CTNNA3: variants seen among roughly 807,000 people sequenced by gnomAD.
The protein encoded by CTNNA3 is catenin alpha-3.
A neutral mutation model predicts 95.7 loss-of-function variants in CTNNA3; 76 were observed. That is an observed-to-expected ratio of 0.79 (90% confidence interval 0.66 to 0.96). The LOEUF is 0.96. Among genes scored for constraint, CTNNA3 ranks in the 40% least tolerant of loss-of-function variants. CTNNA3 has a pLI of 0.00. For missense variants in CTNNA3, 1,191 were observed against 1,089.8 expected (o/e 1.09, Z -1.31); for synonymous variants, 431 against 374.4 (o/e 1.15, Z -1.74).
intron 15 of CTNNA3, among the ~76,000 whole-genome samples, chr10:65,999,014 G>T (rs1286064236): frequency 6.6e-6 from 1 of 151,972 alleles, no homozygotes; most frequent in Non-Finnish European, 1.5e-5. Context: ...TAACAACAAT[G>T]AAAACCTGGT....
At chr10:66,230,985 C>T (rs183222974) in intron 13 of CTNNA3, among the ~76,000 whole-genome samples, 4 of 152,134 alleles carry the variant, frequency 2.6e-5, no homozygotes, top group Admixed American at 2.0e-4. Context: ...CTATTGGGCC[C>T]CAGGGAAGAA....
At chr10:67,557,799 T>C (rs1195866249) in intron 3 of CTNNA3, among the ~76,000 whole-genome samples, 1 of 152,212 alleles carries the variant, frequency 6.6e-6, no homozygotes, top group Non-Finnish European at 1.5e-5. Context: ...CAACTTCTAA[T>C]GCCACCATAG....
At chr10:66,239,436 T>A (rs562024292) in intron 13 of CTNNA3, among the ~76,000 whole-genome samples, 1 of 152,094 alleles carries the variant, frequency 6.6e-6, no homozygotes, top group Non-Finnish European at 1.5e-5. Context: ...GACTGTTCAC[T>A]TTTGCAATGG....
At chr10:66,124,127 G>T (rs933896996) in intron 13 of CTNNA3, among the ~76,000 whole-genome samples, 3 of 151,982 alleles carry the variant, frequency 2.0e-5, no homozygotes, top group Admixed American at 6.5e-5. Flanking sequence ...TTTATGCTCT[G>T]CTTCTCTTAT....
At chr10:67,489,897 A>T (rs946609631) in intron 5 of CTNNA3, among the ~76,000 whole-genome samples, 2 of 152,060 alleles carry the variant, frequency 1.3e-5, no homozygotes, top group East Asian at 3.9e-4. Flanking sequence ...GTAACTAGAT[A>T]AAGTTGCTTT....
At chr10:66,306,740 T>C (rs893527471) in intron 12 of CTNNA3, among the ~76,000 whole-genome samples, 2 of 152,134 alleles carry the variant, frequency 1.3e-5, no homozygotes, top group Admixed American at 1.3e-4. Flanking sequence ...GATAGCAATA[T>C]TTGGTTCAAA....
chr10:66,014,987 C>G (rs957335269), intron 15 of CTNNA3, among the ~76,000 whole-genome samples: 2 of 151,928 alleles, frequency 1.3e-5, no homozygotes, highest in African/African-American at 4.8e-5. Flanking sequence ...CCTGTAGTCC[C>G]AGCTACTCAG....
intron 5 of CTNNA3, among the ~76,000 whole-genome samples, chr10:67,408,690 A>T (rs937052682): frequency 6.6e-6 from 1 of 152,078 alleles, no homozygotes; most frequent in African/African-American, 2.4e-5. Context: ...AGATTTCATG[A>T]TGAAGATGCC....
chr10:66,803,356 A>G (rs1841504640), intron 7 of CTNNA3, among the ~76,000 whole-genome samples: 1 of 151,886 alleles, frequency 6.6e-6, no homozygotes, highest in Non-Finnish European at 1.5e-5. Flanking sequence ...TTCTCCACCT[A>G]CACAACTCTC....
intron 10 of CTNNA3, among the ~76,000 whole-genome samples, chr10:66,582,346 G>GT: frequency 6.6e-6 from 1 of 151,754 alleles, no homozygotes; most frequent in African/African-American, 2.4e-5. Context: ...TTCTTGTAGA[G>GT]ATACTACACC....
At chr10:66,543,054 T>A (rs1402305341) in intron 10 of CTNNA3, among the ~76,000 whole-genome samples, 1 of 152,118 alleles carries the variant, frequency 6.6e-6, no homozygotes, top group Non-Finnish European at 1.5e-5. Flanking sequence ...TATAGTAAAT[T>A]ACCAAAATGT....
intron 11 of CTNNA3, among the ~76,000 whole-genome samples, chr10:66,402,716 C>T (rs1031850721): frequency 6.6e-6 from 1 of 152,044 alleles, no homozygotes; most frequent in Non-Finnish European, 1.5e-5. Context: ...AGAAGATAAT[C>T]GTAGCCTAAA....
intron 13 of CTNNA3, among the ~76,000 whole-genome samples, chr10:66,177,095 C>T (rs551892562): frequency 2.0e-5 from 3 of 152,200 alleles, no homozygotes; most frequent in Admixed American, 2.0e-4. Flanking sequence ...CATGCACCCA[C>T]GCACAACCTA....
chr10:66,592,657 A>T (rs946413099), intron 10 of CTNNA3, among the ~76,000 whole-genome samples: 2 of 152,184 alleles, frequency 1.3e-5, no homozygotes, highest in Admixed American at 1.3e-4. Context: ...AATTTAAAAG[A>T]TGAAGGGATG....
intron 7 of CTNNA3, among the ~76,000 whole-genome samples, chr10:66,978,067 T>TAC (rs3056586): frequency 1.8e-5 from 2 of 114,012 alleles, no homozygotes; most frequent in African/African-American, 5.7e-5. Context: ...TATATATATA[T>TAC]ACACACACAC....
At chr10:67,461,824 A>G (rs986970834) in intron 5 of CTNNA3, among the ~76,000 whole-genome samples, 1 of 152,210 alleles carries the variant, frequency 6.6e-6, no homozygotes, top group Non-Finnish European at 1.5e-5. Flanking sequence ...CCAGCAACAC[A>G]AACAACATGA....
chr10:65,943,961 G>A (rs1168396245), intron 17 of CTNNA3, among the ~76,000 whole-genome samples: 2 of 152,092 alleles, frequency 1.3e-5, no homozygotes, highest in Non-Finnish European at 2.9e-5. Flanking sequence ...CTTCAAGTTG[G>A]AAAACCAGGA....
intron 9 of CTNNA3, among the ~76,000 whole-genome samples, chr10:66,685,615 G>A (rs952111279): frequency 8.6e-5 from 13 of 150,720 alleles, no homozygotes; most frequent in African/African-American, 2.7e-4. Context: ...CTCGTGATCC[G>A]CCCACCTCGG....
At position 66,978,526 on chromosome 10, in the gene CTNNA3, CAAAAAAAAA is replaced by C. The variant is rs1170594360; in HGVS notation, c.1047+201782_1047+201790del. Reference sequence around the variant, plus strand: ...TGGATGATAGAGTGAGACTCCATCTCAAAAAAAAAAAAAAAAAAAAAAAAAAATATATAT... The same window carrying C: ...TGGATGATAGAGTGAGACTCCATCTCAAAAAAAAAAAAAAAAAATATATAT... On this transcript the variant is annotated intron_variant, in intron 7 of 17. Coordinates refer to ENST00000433211, the MANE Select transcript of CTNNA3 (RefSeq NM_013266.4). Among the ~76,000 whole-genome samples, 3 of 42,322 alleles carry C rather than the reference CAAAAAAAAA, an allele frequency of 7.1e-5. 1 individual carries two copies. The highest frequency in any genetic ancestry group is 1.0e-4 in the African/African-American group (1 of 9,748). The allele number at this position is 42,322 out of a possible 152,430, so 27.8% of individuals were successfully genotyped here. A position where few individuals can be genotyped will look rare whatever the true frequency, so the allele number is the denominator to read the frequency against.
Sources: allele counts gnomAD v4.1 joint callset (sites outside exome capture counted in the v4.1 genomes callset), GRCh38; gene constraint gnomAD v4.1.1; transcripts MANE v1.5; gene names NCBI Gene and HGNC (gene_info 2026-07-23, HGNC 2026-07-21).